The following PXDNL variants were observed in gnomAD, a reference collection of about 807,000 sequenced individuals.
PXDNL encodes the protein peroxidasin like.
In PXDNL, 145 loss-of-function variants were observed where a neutral mutation model predicts 150.8. That is an observed-to-expected ratio of 0.96 (90% CI 0.84 to 1.10). The LOEUF is 1.10. PXDNL is among the 50% of genes least tolerant of loss of function. The pLI is 0.00. For synonymous variants in PXDNL, 757 were observed against 725.7 expected (o/e 1.04, Z -0.69); for missense variants, 2,087 against 1,873.9 (o/e 1.11, Z -2.10).
At chr8:51,415,060 G>C (rs927385044) in intron 14 of PXDNL, among the ~76,000 whole-genome samples, 1 of 148,950 alleles carries the variant, frequency 6.7e-6, no homozygotes, top group Non-Finnish European at 1.5e-5. Flanking sequence ...CTTCTTTGGC[G>C]GGGGGGAGAT....
chr8:51,706,570 A>T (rs1039881710), intron 1 of PXDNL, among the ~76,000 whole-genome samples: 1 of 152,202 alleles, frequency 6.6e-6, no homozygotes, highest in Non-Finnish European at 1.5e-5. Context: ...CTACCATAAT[A>T]ATTTGAATTA....
At chr8:51,450,000 T>TA (rs1316027088) in intron 10 of PXDNL, among the ~76,000 whole-genome samples, 2 of 152,326 alleles carry the variant, frequency 1.3e-5, no homozygotes, top group East Asian at 3.9e-4. Flanking sequence ...TGAGTATACT[T>TA]ACAGTTATTT....
intron 1 of PXDNL, among the ~76,000 whole-genome samples, chr8:51,660,292 C>T (rs141388991): frequency 3.3e-4 from 51 of 152,286 alleles, no homozygotes; most frequent in African/African-American, 1.2e-3. Context: ...GTAGCTGAGA[C>T]TGAATGCAAA....
intron 1 of PXDNL, among the ~76,000 whole-genome samples, chr8:51,768,010 G>C (rs949816498): frequency 4.6e-5 from 7 of 152,300 alleles, no homozygotes; most frequent in African/African-American, 1.7e-4. Context: ...TTTCCTCTTA[G>C]TGGTTTCTAG....
Position 51,619,609 on chromosome 8 carries a change from C to T in PXDNL, c.237-26911G>A, listed in dbSNP as rs1814196934. 7.9e-5 allele frequency among the ~76,000 whole-genome samples: 12 copies of T among 152,154 alleles called. No individual in the cohort carries two copies. The South Asian group carries it at 2.3e-3, about 29-fold the overall frequency. Reference sequence around the variant, plus strand: ...GATCCAGTTGTTTAAAAGTCTGTGGCACCTCCCCGCTTTCTCTTCCTCTTG... The same window carrying T: ...GATCCAGTTGTTTAAAAGTCTGTGGTACCTCCCCGCTTTCTCTTCCTCTTG... On this transcript the variant is annotated intron_variant, in intron 2 of 22. Coordinates refer to ENST00000356297, the MANE Select transcript of PXDNL (RefSeq NM_144651.5).
chr8:51,570,695 C>T (rs558952680), intron 3 of PXDNL, among the ~76,000 whole-genome samples: 4 of 151,764 alleles, frequency 2.6e-5, no homozygotes, highest in Non-Finnish European at 5.9e-5. Context: ...GGTTTACTAA[C>T]AATAGTGTAT....
intron 21 of PXDNL, among the ~76,000 whole-genome samples, chr8:51,324,686 CT>C (rs1237048435): frequency 6.6e-6 from 1 of 152,176 alleles, no homozygotes; most frequent in African/African-American, 2.4e-5. Context: ...TTCACTGATT[CT>C]TTCCCCTCTG....
intron 1 of PXDNL, among the ~76,000 whole-genome samples, chr8:51,703,782 CAGCAT>C (rs1816305944): frequency 6.6e-6 from 1 of 152,196 alleles, no homozygotes. Context: ...AATTTAAATG[CAGCAT>C]GATTAAAAAT....
At chr8:51,554,455 T>A (rs1263850680) in intron 4 of PXDNL, among the ~76,000 whole-genome samples, 1 of 152,224 alleles carries the variant, frequency 6.6e-6, no homozygotes, top group East Asian at 1.9e-4. Context: ...TGCACTTTTT[T>A]TGTTCTTTAC....
At chr8:51,426,892 A>AATAAGGTAAGAT in intron 12 of PXDNL, 134 bp from the exon 13 acceptor site, 1 of 584,900 alleles carries the variant, frequency 1.7e-6, no homozygotes. Flanking sequence ...AATTACTTGG[A>AATAAGGTAAGAT]CGTCTAGGGG....
At chr8:51,596,631 T>C (rs1208690139) in intron 2 of PXDNL, among the ~76,000 whole-genome samples, 1 of 152,216 alleles carries the variant, frequency 6.6e-6, no homozygotes, top group Non-Finnish European at 1.5e-5. Context: ...TATTGTGGTT[T>C]TGATTTGCTT....
At chr8:51,744,897 A>AGAAG (rs138286122) in intron 1 of PXDNL, among the ~76,000 whole-genome samples, 2 of 143,722 alleles carry the variant, frequency 1.4e-5, no homozygotes, top group African/African-American at 5.4e-5. Context: ...AAGGAAGGAA[A>AGAAG]GAAGGAAGGA....
At chr8:51,714,928 G>T (rs1455738288) in intron 1 of PXDNL, among the ~76,000 whole-genome samples, 1 of 152,148 alleles carries the variant, frequency 6.6e-6, no homozygotes, top group East Asian at 1.9e-4. Context: ...AATTGTAAGT[G>T]CCATAAAGAG....
chr8:51,590,822 G>A (rs1813428483), intron 3 of PXDNL, among the ~76,000 whole-genome samples: 1 of 152,076 alleles, frequency 6.6e-6, no homozygotes, highest in Admixed American at 6.5e-5. Context: ...ATGAGATTCT[G>A]GGCTTTGGAC....
At chr8:51,446,481 A>AT (rs914093289) in intron 12 of PXDNL, among the ~76,000 whole-genome samples, 7 of 152,126 alleles carry the variant, frequency 4.6e-5, no homozygotes, top group African/African-American at 1.4e-4. Flanking sequence ...TCAAATCTTG[A>AT]TTTTTTTCCC....
At chr8:51,405,529 C>T (rs1808413070) in intron 17 of PXDNL, among the ~76,000 whole-genome samples, 2 of 152,148 alleles carry the variant, frequency 1.3e-5, no homozygotes, top group South Asian at 4.2e-4. Context: ...CCTAAAACCA[C>T]ACTTGTAAAT....
At chr8:51,321,556 TGTTCTCGGGGTA>T in intron 21 of PXDNL, among the ~76,000 whole-genome samples, 2 of 152,088 alleles carry the variant, frequency 1.3e-5, no homozygotes, top group Admixed American at 1.3e-4. Context: ...TCCCCCATGC[TGTTCTCGGGGTA>T]GTGAATTCTC....
At chr8:51,805,256 AC>A (rs1315459187) in intron 1 of PXDNL, among the ~76,000 whole-genome samples, 6 of 151,894 alleles carry the variant, frequency 4.0e-5, no homozygotes, top group South Asian at 2.1e-4. Flanking sequence ...CAAACAAGCT[AC>A]AAAAAATTTT....
At chr8:51,603,187 C>T (rs1813763237) in intron 2 of PXDNL, among the ~76,000 whole-genome samples, 2 of 151,634 alleles carry the variant, frequency 1.3e-5, no homozygotes, top group African/African-American at 4.8e-5. Flanking sequence ...TAATATTTTA[C>T]TCTTTATATA....
Sources: gnomAD v4.1 joint callset for allele counts (sites outside exome capture counted in the v4.1 genomes callset) on GRCh38, gnomAD v4.1.1 for gene constraint, MANE v1.5 for transcripts, NCBI Gene and HGNC (gene_info 2026-07-23, HGNC 2026-07-21) for gene names.